DAB2IP: variants seen among roughly 807,000 people sequenced by gnomAD.
The protein encoded by DAB2IP is disabled homolog 2-interacting protein.
Under a neutral mutation model 107.2 loss-of-function variants are expected in DAB2IP, and 28 were observed. The observed-to-expected ratio is 0.26, with a 90% CI of 0.19 to 0.36. The LOEUF (loss-of-function observed/expected upper bound fraction) is 0.36, where lower values mean the gene tolerates loss of function less well. DAB2IP is among the 10% of genes least tolerant of loss of function. The pLI, the probability that DAB2IP is intolerant of heterozygous loss-of-function variation, is 1.00. For synonymous variants in DAB2IP, 755 were observed against 706.4 expected (o/e 1.07, Z -1.09); for missense variants, 1,400 against 1,644.7 (o/e 0.85, Z 2.57).
At position 121,662,666 on chromosome 9, in the gene DAB2IP, G is replaced by T. The variant is rs1272158918; in HGVS notation, c.124+10767G>T. On this transcript the variant is annotated intron_variant, in intron 1 of 15. Transcript: ENST00000408936. This position sits in a 1 kb window ranked among gnomAD's most constrained non-coding sequence, Gnocchi z 4.6. ...CTAAAGCCACCTACTCTCTCTCCAG[G>T]CATAACTGGCCACCTAAAGGTGGTG... Among the ~76,000 whole-genome samples, 1 of 152,182 alleles carries T rather than the reference G, an allele frequency of 6.6e-6. No individual in the cohort carries two copies. Among genetic ancestry groups the T allele is most frequent in the African/African-American group, 2.4e-5 (1 of 41,436 alleles).
intron 1 of DAB2IP, among the ~76,000 whole-genome samples, chr9:121,595,021 G>A (rs1830499390): frequency 6.6e-6 from 1 of 152,102 alleles, no homozygotes; most frequent in Non-Finnish European, 1.5e-5. Context: ...TGCTTGGGCG[G>A]GGGCAGTCTC....
chr9:121,629,098 C>G (rs1831776705), intron 1 of DAB2IP, among the ~76,000 whole-genome samples: 1 of 152,146 alleles, frequency 6.6e-6, no homozygotes, highest in African/African-American at 2.4e-5. Flanking sequence ...TAGTAGAACC[C>G]CCCAGACTCA....
Position 121,776,284 on chromosome 9 carries a change from G to C in DAB2IP, c.3207G>C (p.Thr1069=), listed in dbSNP as rs147553080. 1 of 1,581,328 alleles carries C rather than the reference G, an allele frequency of 6.3e-7. No individual in the cohort carries two copies. Among genetic ancestry groups the C allele is most frequent in the Non-Finnish European group, 8.6e-7 (1 of 1,163,822 alleles). The change falls in exon 14 of 16, where the codon ACG becomes ACC. Residue 1069 remains threonine (T), a synonymous_variant. Transcript: ENST00000408936. The surrounding 1 kb of genome is among the most constrained non-coding windows in gnomAD (Gnocchi z 5.4). ...CCCTGTTCAAGTGCCAGGAGGAGAC[G>C]ACGCAGAAGCTGGTGCTGGAGTACC...
At chr9:121,663,719 C>G (rs1233228872) in intron 1 of DAB2IP, among the ~76,000 whole-genome samples, 10 of 152,222 alleles carry the variant, frequency 6.6e-5, no homozygotes, top group Admixed American at 5.2e-4. Flanking sequence ...AACGTGAAAT[C>G]AACATCCCTC....
At chr9:121,689,292 T>TA (rs148765739) in intron 2 of DAB2IP, among the ~76,000 whole-genome samples, 11,432 of 124,494 alleles carry the variant, frequency 0.092, 1,088 homozygotes, top group African/African-American at 0.26. Flanking sequence ...AAATTCCATC[T>TA]AAAAAAAAAA....
At chr9:121,758,108 C>CAGGGGGTTCTGTGGA (rs1341740364) in intron 4 of DAB2IP, among the ~76,000 whole-genome samples, 4 of 152,190 alleles carry the variant, frequency 2.6e-5, no homozygotes, top group African/African-American at 9.7e-5. Flanking sequence ...TGGTTCACAG[C>CAGGGGGTTCTGTGGA]AGGGGGTTCT....
intron 1 of DAB2IP, among the ~76,000 whole-genome samples, chr9:121,616,191 A>T (rs1249163721): frequency 6.6e-6 from 1 of 152,148 alleles, no homozygotes; most frequent in Non-Finnish European, 1.5e-5. Flanking sequence ...CTCCTGCAGG[A>T]TGCAGGCGAG....
Position 121,776,369 on chromosome 9 carries a change from C to A in DAB2IP, c.3292C>A (p.Gln1098Lys). Residue 1098 changes from glutamine (Q) to lysine (K), a missense_variant, in exon 14 of 16, where the codon CAG (glutamine) becomes AAG (lysine). Coordinates refer to ENST00000408936, the Ensembl canonical transcript of DAB2IP. The surrounding 1 kb of genome is among the most constrained non-coding windows in gnomAD (Gnocchi z 5.4). ...GCGGCAGCAGGAGGACAAGGACATC[C>A]AGATGAAGGGCATCATCAGCAGGTG... 6.5e-7 allele frequency: 1 copy of A among 1,547,442 alleles called. No homozygotes were observed. Among genetic ancestry groups the A allele is most frequent in the Non-Finnish European group, 8.7e-7 (1 of 1,145,356 alleles).
intron 3 of DAB2IP, among the ~76,000 whole-genome samples, chr9:121,726,048 T>C (rs976283091): frequency 1.3e-5 from 2 of 152,210 alleles, no homozygotes; most frequent in Non-Finnish European, 2.9e-5. Context: ...ACTTATTTGC[T>C]AATGAGTTGA....
At chr9:121,577,275 A>G (rs1830083620) in intron 1 of DAB2IP, among the ~76,000 whole-genome samples, 1 of 152,100 alleles carries the variant, frequency 6.6e-6, no homozygotes. Flanking sequence ...TTGTCTCGGG[A>G]GAGTGGGGGA....
intron 1 of DAB2IP, among the ~76,000 whole-genome samples, chr9:121,595,602 C>CA (rs34697198): frequency 0.075 from 9,948 of 133,220 alleles, 724 homozygotes; most frequent in African/African-American, 0.2. Context: ...GGTGCTGTCT[C>CA]AAAAAAAAAA....
At position 121,773,419 on chromosome 9, in the gene DAB2IP, G is replaced by A. The variant is rs571074859; in HGVS notation, c.2891G>A (p.Ser964Asn). Residue 964 changes from serine (S) to asparagine (N), a missense_variant, in exon 12 of 16, where the codon AGT (serine) becomes AAT (asparagine). Transcript: ENST00000408936. The stretch of plus-strand genomic sequence containing the variant: ...GCCTCACCTGATTGGGTGGGCCCCA[G>A]TACCCGCCTGAGGCAGCAGTCCTCT... The A allele has an allele frequency of 2.6e-6, 4 of 1,567,120 alleles. No homozygotes were observed. The Admixed American group carries it at 5.6e-5, about 22-fold the overall frequency.
chr9:121,631,844 C>A (rs949538944), intron 1 of DAB2IP, among the ~76,000 whole-genome samples: 5 of 143,528 alleles, frequency 3.5e-5, no homozygotes, highest in Non-Finnish European at 7.6e-5. Context: ...AAAAAAGAAG[C>A]TTGCACTCTG....
At chr9:121,622,162 G>A (rs373052918) in intron 1 of DAB2IP, among the ~76,000 whole-genome samples, 1 of 151,484 alleles carries the variant, frequency 6.6e-6, no homozygotes, top group South Asian at 2.1e-4. Flanking sequence ...CTAATTTTTT[G>A]TATTTTTAGC....
At chr9:121,653,132 G>C (rs1832821070) in intron 1 of DAB2IP, among the ~76,000 whole-genome samples, 1 of 151,896 alleles carries the variant, frequency 6.6e-6, no homozygotes, top group Non-Finnish European at 1.5e-5. Flanking sequence ...ACAGTACTAA[G>C]TTACTTAGTA....
At chr9:121,735,110 G>A (rs1831802645) in intron 3 of DAB2IP, among the ~76,000 whole-genome samples, 1 of 152,232 alleles carries the variant, frequency 6.6e-6, no homozygotes, top group Non-Finnish European at 1.5e-5. Flanking sequence ...TGACAGCTCT[G>A]AGGGAAAACT....
chr9:121,715,715 G>A (rs1370669863), intron 3 of DAB2IP, among the ~76,000 whole-genome samples: 1 of 152,156 alleles, frequency 6.6e-6, no homozygotes, highest in African/African-American at 2.4e-5. Context: ...TCTTTCAAAA[G>A]GCTCTGTAAA....
At chr9:121,678,625 C>A in intron 1 of DAB2IP, 53 bp from the exon 2 acceptor site, 1 of 1,393,086 alleles carries the variant, frequency 7.2e-7, no homozygotes, top group Non-Finnish European at 9.5e-7. Flanking sequence ...GAGGCCCTAG[C>A]TGTGTGGCCT....
chr9:121,722,919 C>G (rs570600270), intron 3 of DAB2IP, among the ~76,000 whole-genome samples: 1 of 152,348 alleles, frequency 6.6e-6, no homozygotes, highest in African/African-American at 2.4e-5. Context: ...ATCTCTTACT[C>G]CACCAAAAGC....
Sources: allele counts gnomAD v4.1 joint callset (sites outside exome capture counted in the v4.1 genomes callset), GRCh38; gene constraint gnomAD v4.1.1; non-coding constraint Gnocchi (gnomAD v3.1); transcripts MANE v1.5; gene names NCBI Gene and HGNC (gene_info 2026-07-23, HGNC 2026-07-21).